KCTD20: variants seen among roughly 807,000 people sequenced by gnomAD.
The protein encoded by KCTD20 is BTB/POZ domain-containing protein KCTD20.
In KCTD20, 30 loss-of-function variants were observed where a neutral mutation model predicts 39.6. The ratio of observed to expected loss-of-function variants is 0.76; its 90% CI spans 0.57 to 1.03. KCTD20 has a LOEUF of 1.03. Ranked by LOEUF, KCTD20 falls within the 50% of genes least tolerant of loss-of-function variation. The pLI is 0.00. For synonymous variants in KCTD20, 162 were observed against 180.6 expected, an observed-to-expected ratio of 0.90 and a Z score of 0.83; for missense variants, 422 against 522.0, an observed-to-expected ratio of 0.81 and a Z score of 1.87.
intron 2 of KCTD20, among the ~76,000 whole-genome samples, chr6:36,470,888 G>A (rs1321337583): frequency 6.6e-6 from 1 of 152,176 alleles, no homozygotes; most frequent in Non-Finnish European, 1.5e-5. Context: ...GGTGGCTCAC[G>A]CCTATAATCC....
At chr6:36,468,892 T>C (rs1775835454) in intron 1 of KCTD20, among the ~76,000 whole-genome samples, 1 of 152,208 alleles carries the variant, frequency 6.6e-6, no homozygotes, top group Non-Finnish European at 1.5e-5. Context: ...CCTATCAAAG[T>C]GGTCATTTTT....
intron 1 of KCTD20, among the ~76,000 whole-genome samples, chr6:36,458,114 A>G (rs913455243): frequency 3.9e-5 from 6 of 152,118 alleles, no homozygotes; most frequent in Non-Finnish European, 8.8e-5. Context: ...AGGCAGTAGC[A>G]TGATCATGGC....
chr6:36,483,402 G>A (rs1347902826), intron 6 of KCTD20, among the ~76,000 whole-genome samples: 2 of 151,372 alleles, frequency 1.3e-5, no homozygotes, highest in African/African-American at 2.4e-5. Context: ...TAATAGAAAC[G>A]GGGTTTCACC....
intron 1 of KCTD20, among the ~76,000 whole-genome samples, chr6:36,446,365 T>G (rs934310188): frequency 2.0e-5 from 3 of 152,190 alleles, no homozygotes; most frequent in Non-Finnish European, 4.4e-5. Flanking sequence ...AAATAAAGGC[T>G]TAGATAACTA....
intron 2 of KCTD20, among the ~76,000 whole-genome samples, chr6:36,473,175 C>A (rs947941187): frequency 5.3e-5 from 8 of 152,010 alleles, no homozygotes; most frequent in African/African-American, 1.9e-4. Context: ...ATTCACCTGC[C>A]TCAGCCTCCT....
At chr6:36,473,520 C>T (rs1775972089) in intron 2 of KCTD20, among the ~76,000 whole-genome samples, 1 of 152,018 alleles carries the variant, frequency 6.6e-6, no homozygotes, top group Non-Finnish European at 1.5e-5. Context: ...TGCCTGTAAT[C>T]CCAGCACTCT....
At position 36,482,282 on chromosome 6, in the gene KCTD20, G is replaced by A. The variant is rs372003042; in HGVS notation, c.856+523G>A. 8.5e-5 allele frequency among the ~76,000 whole-genome samples: 13 copies of A among 152,122 alleles called. No individual in the cohort carries two copies. The South Asian group carries it at 1.9e-3, about 22-fold the overall frequency. ...ATCTTCGACATTCTGGGCCGGGCGCGGTAGCTCATGCCTGTAATCCCAGCA... is the reference window on the plus strand; with the variant it reads ...ATCTTCGACATTCTGGGCCGGGCGCAGTAGCTCATGCCTGTAATCCCAGCA... On this transcript the variant is annotated intron_variant, in intron 6 of 7. Transcript: ENST00000373731.
In KCTD20 at chr6:36,490,939, G is replaced by A. The variant is rs1028333794; in HGVS notation, c.*3764G>A. The A allele has an allele frequency of 6.6e-6, 1 of 152,192 alleles. No homozygotes were observed. The highest frequency in any genetic ancestry group is 1.5e-5 in the Non-Finnish European group (1 of 68,038). 9.4% of individuals were successfully genotyped at this position (152,192 alleles called of 1,614,324 possible). ...ACTGAGCTCAGAAAGCAAATATGAT[G>A]CTTTCATGGGAGATGGAGCCACATT... is the stretch of plus-strand genomic sequence containing the variant. On this transcript the variant is annotated 3_prime_UTR_variant, in exon 8 of 8. Coordinates refer to ENST00000373731, the MANE Select transcript of KCTD20 (RefSeq NM_173562.5).
At chr6:36,445,216 C>T (rs1047559045) in intron 1 of KCTD20, among the ~76,000 whole-genome samples, 4 of 144,744 alleles carry the variant, frequency 2.8e-5, no homozygotes, top group Non-Finnish European at 5.9e-5. Context: ...GAGCCGAGAT[C>T]GCGCCATTGT....
At position 36,475,063 on chromosome 6, in the gene KCTD20, G is replaced by GT; in HGVS notation, c.434+2dup. On this transcript the variant is annotated splice_donor_variant, in intron 3 of 7. Transcript: ENST00000373731. LOFTEE classifies it high-confidence loss of function. ...CTCATCCGGATACCATGCTGGGAAG[G>GT]TAACTGATGATAATTTTCTTCCAAA... 6.2e-7 allele frequency: 1 copy of GT among 1,608,182 alleles called. No individual in the cohort carries two copies. Among genetic ancestry groups the GT allele is most frequent in the Non-Finnish European group, 8.5e-7 (1 of 1,177,532 alleles).
Position 36,485,488 on chromosome 6 carries a change from CTTT to C in KCTD20, c.967+686_967+688del, listed in dbSNP as rs34990483. Among the ~76,000 whole-genome samples, 28 of 97,118 alleles carry C rather than the reference CTTT, an allele frequency of 2.9e-4. No individual in the cohort carries two copies. In the South Asian group the frequency reaches 8.2e-3, roughly 29 times the overall value. 63.7% of individuals were successfully genotyped at this position (97,118 alleles called of 152,430 possible). ...TTGGTCTCTCCTACGTGGAGTGGAT[CTTT>C]TTTTTTTTTTTTTTTTTTTTTGAGA... On this transcript the variant is annotated intron_variant, in intron 7 of 7. Coordinates refer to ENST00000373731, the MANE Select transcript of KCTD20 (RefSeq NM_173562.5).
At chr6:36,479,561 C>G (rs1776172034) in intron 4 of KCTD20, 30 bp from the exon 5 acceptor site, 7 of 1,588,390 alleles carry the variant, frequency 4.4e-6, no homozygotes, top group South Asian at 1.1e-5. Flanking sequence ...TGTTCTCTGC[C>G]TACATTTTTT....
rs1465570361 is a variant in KCTD20 at position 36,489,560 on chromosome 6, C to T, written c.*2385C>T. The T allele has an allele frequency of 6.6e-6, 1 of 152,210 alleles. No individual in the cohort carries two copies. Among genetic ancestry groups the T allele is most frequent in the Non-Finnish European group, 1.5e-5 (1 of 68,048 alleles). 9.4% of individuals were successfully genotyped at this position (152,210 alleles called of 1,614,324 possible). The stretch of plus-strand genomic sequence containing the variant: ...TCTATGCCCCTCCCACCACCCTCCA[C>T]CTAGAGCTCACCCAAGCCTGCTCCA... On this transcript the variant is annotated 3_prime_UTR_variant, in exon 8 of 8. Coordinates refer to ENST00000373731, the MANE Select transcript of KCTD20 (RefSeq NM_173562.5).
Position 36,475,031 on chromosome 6 carries a change from T to C in KCTD20, c.403T>C (p.Phe135Leu), listed in dbSNP as rs1776022568. The change falls in exon 3 of 8, where the codon TTC becomes CTC. Residue 135 changes from phenylalanine to leucine, a missense_variant. Coordinates refer to ENST00000373731, the MANE Select transcript of KCTD20 (RefSeq NM_173562.5). ...GTRFVVNPQI[F>L]TAHPDTMLGR... ...ACGTTTTGTTGTGAATCCACAGATT[T>C]TCACTGCTCATCCGGATACCATGCT... 6.2e-7 allele frequency: 1 copy of C among 1,614,096 alleles called. No individual in the cohort carries two copies. The highest frequency in any genetic ancestry group is 8.5e-7 in the Non-Finnish European group (1 of 1,180,030).
At chr6:36,473,264 G>A (rs1349236268) in intron 2 of KCTD20, among the ~76,000 whole-genome samples, 4 of 151,820 alleles carry the variant, frequency 2.6e-5, no homozygotes, top group African/African-American at 9.7e-5. Flanking sequence ...GCTTCACCAT[G>A]TTAGCCAGGA....
chr6:36,455,364 T>C (rs1301915716), intron 1 of KCTD20, among the ~76,000 whole-genome samples: 4 of 152,136 alleles, frequency 2.6e-5, no homozygotes, highest in Admixed American at 2.6e-4. Flanking sequence ...GCCAAGATCA[T>C]GCCACTGCAC....
intron 1 of KCTD20, among the ~76,000 whole-genome samples, chr6:36,468,427 T>C (rs1341647989): frequency 6.6e-6 from 1 of 152,218 alleles, no homozygotes; most frequent in Non-Finnish European, 1.5e-5. Context: ...GTTCAAGAGA[T>C]CTTTTCGAGT....
At chr6:36,471,645 G>A (rs1047287126) in intron 2 of KCTD20, among the ~76,000 whole-genome samples, 1 of 152,130 alleles carries the variant, frequency 6.6e-6, no homozygotes, top group Non-Finnish European at 1.5e-5. Context: ...TGTATTAACT[G>A]ACAGAAAAGC....
At chr6:36,485,272 T>TAA (rs1776381473) in intron 7 of KCTD20, among the ~76,000 whole-genome samples, 1 of 151,330 alleles carries the variant, frequency 6.6e-6, no homozygotes, top group African/African-American at 2.4e-5. Context: ...GATACCAAGG[T>TAA]AATTGCACTC....
Sources: allele counts gnomAD v4.1 joint callset (sites outside exome capture counted in the v4.1 genomes callset), GRCh38; gene constraint gnomAD v4.1.1; transcripts MANE v1.5; gene names NCBI Gene and HGNC (gene_info 2026-07-23, HGNC 2026-07-21).